Variants in GRM7 observed in about 807,000 individuals in gnomAD.
GRM7 encodes metabotropic glutamate receptor 7.
GRM7 carries 35 observed loss-of-function variants against 84.5 expected under a neutral mutation model. The observed-to-expected ratio is 0.41, with a 90% CI of 0.32 to 0.55. GRM7 has a LOEUF of 0.55. GRM7 is among the 20% of genes least tolerant of loss of function. The pLI is 0.19. For synonymous variants in GRM7, 487 were observed against 455.1 expected, an observed-to-expected ratio of 1.07 and a Z score of -0.89; for missense variants, 1,003 against 1,194.6, an observed-to-expected ratio of 0.84 and a Z score of 2.36.
At chr3:7,417,671 C>T (rs143581049) in intron 5 of GRM7, among the ~76,000 whole-genome samples, 194 of 152,224 alleles carry the variant, frequency 1.3e-3, no homozygotes, top group Middle Eastern at 6.8e-3. Context: ...TAGCCCCCTT[C>T]ACAGAGCTCT....
chr3:7,731,572 CA>C (rs1702332898), intron 9 of GRM7, among the ~76,000 whole-genome samples: 1 of 152,092 alleles, frequency 6.6e-6, no homozygotes, highest in Non-Finnish European at 1.5e-5. Flanking sequence ...AGGCCTTGCC[CA>C]AAACTCAACC....
intron 9 of GRM7, among the ~76,000 whole-genome samples, chr3:7,727,663 A>G (rs1228461355): frequency 1.3e-5 from 2 of 152,330 alleles, no homozygotes; most frequent in Admixed American, 1.3e-4. Flanking sequence ...TTCACAGTCA[A>G]TGCCGACCCA....
chr3:6,947,798 G>A (rs1283014503), intron 1 of GRM7, among the ~76,000 whole-genome samples: 1 of 152,046 alleles, frequency 6.6e-6, no homozygotes, highest in Non-Finnish European at 1.5e-5. Flanking sequence ...TGTATGTGTC[G>A]AGGAATTTAT....
intron 7 of GRM7, among the ~76,000 whole-genome samples, chr3:7,515,528 A>C (rs1231361834): frequency 6.6e-6 from 1 of 152,220 alleles, no homozygotes; most frequent in Non-Finnish European, 1.5e-5. Context: ...GTAAAATCAA[A>C]CCAAGAAATC....
chr3:7,319,417 G>A (rs1452652172), intron 4 of GRM7, among the ~76,000 whole-genome samples: 2 of 152,072 alleles, frequency 1.3e-5, no homozygotes, highest in Non-Finnish European at 2.9e-5. Flanking sequence ...AAAGACTTGT[G>A]ATGGATATGT....
chr3:7,609,864 C>CAAGTGACACCAGACAGAATT (rs986780099), intron 8 of GRM7, among the ~76,000 whole-genome samples: 3 of 152,082 alleles, frequency 2.0e-5, no homozygotes, highest in Admixed American at 6.6e-5. Context: ...AAAAATAAAA[C>CAAGTGACACCAGACAGAATT]AAGTGACACC....
intron 8 of GRM7, among the ~76,000 whole-genome samples, chr3:7,587,204 C>CT (rs1559422154): frequency 6.6e-6 from 1 of 152,216 alleles, no homozygotes; most frequent in Admixed American, 6.5e-5. Context: ...CCCTCTTCCT[C>CT]TTTTTTTCTT....
At chr3:7,167,022 G>A (rs1694820530) in intron 2 of GRM7, among the ~76,000 whole-genome samples, 1 of 152,160 alleles carries the variant, frequency 6.6e-6, no homozygotes, top group African/African-American at 2.4e-5. Context: ...CTCAAATGAG[G>A]TGATAAAAGA....
At chr3:7,117,925 T>C (rs113473737) in intron 1 of GRM7, among the ~76,000 whole-genome samples, 17 of 152,288 alleles carry the variant, frequency 1.1e-4, no homozygotes, top group African/African-American at 3.8e-4. Flanking sequence ...TGAAGAACTA[T>C]AGGACCATTT....
intron 7 of GRM7, among the ~76,000 whole-genome samples, chr3:7,536,973 A>G (rs917740026): frequency 7.2e-5 from 11 of 152,206 alleles, no homozygotes; most frequent in Non-Finnish European, 1.3e-4. Context: ...TTAACTTTCC[A>G]ACATTTCTGA....
chr3:7,523,953 T>A (rs1038158202), intron 7 of GRM7, among the ~76,000 whole-genome samples: 2 of 152,110 alleles, frequency 1.3e-5, no homozygotes, highest in Non-Finnish European at 2.9e-5. Context: ...TAATGCTTTT[T>A]CAAGGTAATA....
intron 1 of GRM7, among the ~76,000 whole-genome samples, chr3:7,129,978 A>T (rs549602837): frequency 9.4e-4 from 143 of 152,186 alleles, no homozygotes; most frequent in Non-Finnish European, 9.1e-4. Context: ...TTTTGGAAAC[A>T]TCACTACACG....
intron 1 of GRM7, among the ~76,000 whole-genome samples, chr3:7,038,553 T>A (rs1357061972): frequency 6.6e-6 from 1 of 152,148 alleles, no homozygotes; most frequent in Non-Finnish European, 1.5e-5. Context: ...AGGAAAATAC[T>A]CACTGGGTAA....
Position 7,561,549 on chromosome 3 carries a change from A to G in GRM7, c.1516-16873A>G, listed in dbSNP as rs997022018. ...GAATGTTGGCATGGAAAGTCCTTCC[A>G]GGACATCGTAGTACCCTTAGTAGTG... On this transcript the variant is annotated intron_variant, in intron 7 of 9. Coordinates refer to ENST00000357716, the MANE Select transcript of GRM7 (RefSeq NM_000844.4). The G allele has an allele frequency of 1.8e-5, 8 of 456,494 alleles. No homozygotes were observed. In the Admixed American group the frequency reaches 1.9e-4, roughly 11 times the overall value. The allele number at this position is 456,494 out of a possible 1,614,324, so 28.3% of individuals were successfully genotyped here.
At chr3:7,664,396 C>A (rs1699592588) in intron 8 of GRM7, among the ~76,000 whole-genome samples, 1 of 152,144 alleles carries the variant, frequency 6.6e-6, no homozygotes, top group Non-Finnish European at 1.5e-5. Context: ...TGATTCAGAT[C>A]AATTCTTTAT....
At chr3:7,111,823 G>A (rs908705590) in intron 1 of GRM7, among the ~76,000 whole-genome samples, 4 of 152,022 alleles carry the variant, frequency 2.6e-5, no homozygotes, top group Admixed American at 2.6e-4. Context: ...TTTGTACATA[G>A]CCTCATTTCT....
intron 9 of GRM7, among the ~76,000 whole-genome samples, chr3:7,695,169 G>T (rs1444813709): frequency 6.6e-6 from 1 of 152,182 alleles, no homozygotes; most frequent in Admixed American, 6.6e-5. Flanking sequence ...CTATGTCAAG[G>T]TCCTCTCTCA....
intron 6 of GRM7, among the ~76,000 whole-genome samples, chr3:7,455,585 A>G (rs1172422353): frequency 6.6e-6 from 1 of 151,648 alleles, no homozygotes; most frequent in Non-Finnish European, 1.5e-5. Flanking sequence ...ATTTTAAGGA[A>G]ACATCAAACA....
chr3:7,245,454 T>C (rs987000290), intron 2 of GRM7, among the ~76,000 whole-genome samples: 1 of 152,084 alleles, frequency 6.6e-6, no homozygotes, highest in African/African-American at 2.4e-5. Context: ...TAAGCAATGC[T>C]GGACCTCATA....
Sources: gnomAD v4.1 joint callset for allele counts (sites outside exome capture counted in the v4.1 genomes callset) on GRCh38, gnomAD v4.1.1 for gene constraint, MANE v1.5 for transcripts, NCBI Gene and HGNC (gene_info 2026-07-23, HGNC 2026-07-21) for gene names.